The following FIG4 variants were observed in gnomAD, a reference collection of about 807,000 sequenced individuals.
The protein encoded by FIG4 is FIG4 phosphoinositide 5-phosphatase.
FIG4 carries 112 observed loss-of-function variants against 118.6 expected under a neutral mutation model. The ratio of observed to expected loss-of-function variants is 0.94; its 90% confidence interval spans 0.81 to 1.11. The LOEUF is 1.11. FIG4 is among the 50% of genes least tolerant of loss of function. FIG4 has a pLI of 0.00. For missense variants in FIG4, 969 were observed against 1,111.7 expected (o/e 0.87, Z 1.83); for synonymous variants, 369 against 381.2 (o/e 0.97, Z 0.37).
In FIG4 at chr6:109,760,597, T is replaced by A. The variant is rs538538519; in HGVS notation, c.1271+214T>A. Among the ~76,000 whole-genome samples, 8 of 152,356 alleles carry A rather than the reference T, an allele frequency of 5.3e-5. No homozygotes were observed. In the South Asian group the frequency reaches 1.0e-3, roughly 20 times the overall value. On this transcript the variant is annotated intron_variant, in intron 11 of 22. Coordinates refer to ENST00000230124, the MANE Select transcript of FIG4 (RefSeq NM_014845.6). The stretch of plus-strand genomic sequence containing the variant: ...CCATTTGCAAATTGTTTGAAATATT[T>A]AGTCATTTCAGAACATCTCTACAAC...
intron 15 of FIG4, among the ~76,000 whole-genome samples, chr6:109,771,697 C>A (rs13207150): frequency 0.69 from 104,258 of 151,740 alleles, 36,438 homozygotes; most frequent in African/African-American, 0.79. Flanking sequence ...CTCTAATTCT[C>A]CCATCAAATG....
At chr6:109,698,558 A>G (rs1774806603) in intron 1 of FIG4, among the ~76,000 whole-genome samples, 1 of 152,252 alleles carries the variant, frequency 6.6e-6, no homozygotes, top group African/African-American at 2.4e-5. Context: ...AGTGACCGGA[A>G]CAGACATTCT....
intron 17 of FIG4, among the ~76,000 whole-genome samples, chr6:109,785,429 A>G (rs1777924665): frequency 6.6e-6 from 1 of 152,214 alleles, no homozygotes; most frequent in Non-Finnish European, 1.5e-5. Context: ...CTGTGCTAAT[A>G]AGCAGTGAAA....
chr6:109,741,591 C>G, intron 8 of FIG4, 47 bp downstream of exon 8: 1 of 1,180,760 alleles, frequency 8.5e-7, no homozygotes, highest in South Asian at 1.2e-5. Context: ...CCTTTTATAT[C>G]AGCTTTGCTG....
At chr6:109,778,753 C>T (rs1288604864) in intron 16 of FIG4, among the ~76,000 whole-genome samples, 1 of 152,052 alleles carries the variant, frequency 6.6e-6, no homozygotes, top group African/African-American at 2.4e-5. Flanking sequence ...TGCCCACCAC[C>T]ATGCCCAGCT....
intron 11 of FIG4, among the ~76,000 whole-genome samples, chr6:109,761,361 T>G (rs533026499): frequency 3.4e-4 from 52 of 151,932 alleles, no homozygotes; most frequent in South Asian, 1.5e-3. Context: ...TGGCTAATTT[T>G]TTGTTGTTGT....
rs140954483 is a variant in FIG4, at chr6:109,701,793, TG to T, written c.66+10293del. 3,744 of 467,182 alleles carry T rather than the reference TG, an allele frequency of 8.0e-3. 113 individuals carry two copies. Among genetic ancestry groups the T allele is most frequent in the African/African-American group, 0.07 (3,466 of 49,814 alleles). The allele number at this position is 467,182 out of a possible 1,614,324, so 28.9% of individuals were successfully genotyped here. On this transcript the variant is annotated intron_variant, in intron 1 of 22. Coordinates refer to ENST00000230124, the MANE Select transcript of FIG4 (RefSeq NM_014845.6). Reference sequence around the variant, plus strand: ...GTGAATGGGAGAGAGCAATATAGGGTGTAGTTGACTAAGGATTGGAAAAGGA... The same window carrying T: ...GTGAATGGGAGAGAGCAATATAGGGTTAGTTGACTAAGGATTGGAAAAGGA...
intron 3 of FIG4, among the ~76,000 whole-genome samples, chr6:109,724,634 T>A (rs1775734007): frequency 1.3e-5 from 2 of 152,300 alleles, no homozygotes; most frequent in South Asian, 4.1e-4. Context: ...TAATTGGATG[T>A]GTGTTCCTCT....
At chr6:109,791,814 G>C (rs1486366812) in intron 20 of FIG4, among the ~76,000 whole-genome samples, 1 of 152,186 alleles carries the variant, frequency 6.6e-6, no homozygotes, top group Non-Finnish European at 1.5e-5. Context: ...ATTTTCAAGT[G>C]AATTCTGGCC....
At chr6:109,814,642 TTGTTACTGACA>T (rs1422430600) in intron 22 of FIG4, among the ~76,000 whole-genome samples, 1 of 152,218 alleles carries the variant, frequency 6.6e-6, no homozygotes, top group Non-Finnish European at 1.5e-5. Context: ...GGGATATACT[TTGTTACTGACA>T]TTATTTGTTG....
intron 22 of FIG4, among the ~76,000 whole-genome samples, chr6:109,805,189 G>A (rs148838338): frequency 1.2e-4 from 19 of 152,244 alleles, no homozygotes; most frequent in African/African-American, 4.6e-4. Flanking sequence ...TGTGTTAGAA[G>A]GACAGGATAC....
chr6:109,691,535 A>C (rs1327935824), intron 1 of FIG4, 34 bp downstream of exon 1: 2 of 1,531,802 alleles, frequency 1.3e-6, no homozygotes, highest in Admixed American at 3.9e-5. Flanking sequence ...CGCAGGCGGG[A>C]GGATGGATGT....
At chr6:109,691,633 G>T (rs1774422166) in intron 1 of FIG4, 132 bp downstream of exon 1, 1 of 882,624 alleles carries the variant, frequency 1.1e-6, no homozygotes, top group African/African-American at 1.7e-5. Flanking sequence ...GTCAAACACA[G>T]CCTTGGGGTA....
intron 1 of FIG4, among the ~76,000 whole-genome samples, chr6:109,697,680 G>C (rs1774772592): frequency 6.6e-6 from 1 of 152,098 alleles, no homozygotes; most frequent in Admixed American, 6.5e-5. Context: ...TATGGAAGGG[G>C]GCCATACGAA....
intron 10 of FIG4, among the ~76,000 whole-genome samples, chr6:109,756,986 C>T (rs904874351): frequency 6.6e-6 from 1 of 152,162 alleles, no homozygotes; most frequent in African/African-American, 2.4e-5. Flanking sequence ...TGAGGAACTG[C>T]ATTCCTCAGA....
Position 109,716,171 on chromosome 6 carries a change from ACCTGT to A in FIG4, c.166-273_166-269del, listed in dbSNP as rs1775424358. Among the ~76,000 whole-genome samples the A allele has an allele frequency of 2.6e-5, 4 of 152,312 alleles. No homozygotes were observed. In the South Asian group the frequency reaches 6.2e-4, roughly 24 times the overall value. On this transcript the variant is annotated intron_variant, in intron 2 of 22. Transcript: ENST00000230124. ...AGGGATTCATGGACTCTTGAAATTT[ACCTGT>A]AGATCCCTTAAATCTCTGCATCTCT...
rs114219763 is a variant in FIG4 at position 109,738,277 on chromosome 6, C to T, written c.647-48C>T. ...ATACCAACCTTTTTTTTAATTGATA[C>T]AAAATATTTTGTGTATTTATGGACT... is the stretch of plus-strand genomic sequence containing the variant. On this transcript the variant is annotated intron_variant, in intron 6 of 22. Transcript: ENST00000230124. The T allele has an allele frequency of 2.7e-3, 4,113 of 1,500,486 alleles. 102 individuals are homozygous for T. The African/African-American group carries it at 0.051, about 18-fold the overall frequency. The allele number at this position is 1,500,486 out of a possible 1,614,324, so 92.9% of individuals were successfully genotyped here.
intron 15 of FIG4, among the ~76,000 whole-genome samples, chr6:109,775,281 A>G (rs577816620): frequency 6.6e-6 from 1 of 152,348 alleles, no homozygotes; most frequent in East Asian, 1.9e-4. Flanking sequence ...CTGGCCTTAT[A>G]TCTCAAGCTT....
chr6:109,767,322 A>C (rs1191257359), intron 15 of FIG4, among the ~76,000 whole-genome samples: 1 of 152,188 alleles, frequency 6.6e-6, no homozygotes, highest in African/African-American at 2.4e-5. Flanking sequence ...ATTAGCACTA[A>C]ATTATACTCA....
Sources: allele counts gnomAD v4.1 joint callset (sites outside exome capture counted in the v4.1 genomes callset), GRCh38; gene constraint gnomAD v4.1.1; transcripts MANE v1.5; gene names NCBI Gene and HGNC (gene_info 2026-07-23, HGNC 2026-07-21).